CA10: variants seen among roughly 807,000 people sequenced by gnomAD.
CA10 encodes the protein carbonic anhydrase-related protein 10.
CA10 carries 14 observed loss-of-function variants against 44.2 expected under a neutral mutation model. That is an observed-to-expected ratio of 0.32 (90% CI 0.21 to 0.50). The LOEUF is 0.50. Ranked by LOEUF, CA10 falls within the 20% of genes least tolerant of loss-of-function variation. CA10 has a pLI of 0.99. For synonymous variants in CA10, 159 were observed against 141.6 expected (o/e 1.12, Z -0.87); for missense variants, 350 against 409.7 (o/e 0.85, Z 1.26).
chr17:52,134,939 G>T (rs771970744), intron 1 of CA10: 5 of 518,872 alleles, frequency 9.6e-6, no homozygotes, highest in Non-Finnish European at 1.9e-5. Context: ...CATCCTGAAC[G>T]GCTCCTGATG....
chr17:51,752,704 G>A (rs942754752), intron 3 of CA10, among the ~76,000 whole-genome samples: 19 of 152,318 alleles, frequency 1.2e-4, no homozygotes, highest in African/African-American at 3.6e-4. Flanking sequence ...CGAGGCAGGC[G>A]GATCACCTGA....
chr17:51,769,200 G>T (rs991199358), intron 3 of CA10, among the ~76,000 whole-genome samples: 3 of 152,130 alleles, frequency 2.0e-5, no homozygotes, highest in African/African-American at 7.2e-5. Context: ...TACACCCCAG[G>T]ATCCATGGCA....
chr17:52,067,880 C>A (rs996317354), intron 2 of CA10, among the ~76,000 whole-genome samples: 2 of 152,210 alleles, frequency 1.3e-5, no homozygotes, highest in East Asian at 3.9e-4. Context: ...AATGCCTGTA[C>A]CTGCATTGTA....
chr17:51,870,249 C>G (rs1047695075), intron 3 of CA10, among the ~76,000 whole-genome samples: 17 of 152,292 alleles, frequency 1.1e-4, no homozygotes, highest in Admixed American at 8.5e-4. Flanking sequence ...CCCTGTTGAT[C>G]CAAGAATCAC....
At chr17:51,707,950 G>T (rs926701792) in intron 4 of CA10, among the ~76,000 whole-genome samples, 2 of 152,132 alleles carry the variant, frequency 1.3e-5, no homozygotes, top group Non-Finnish European at 2.9e-5. Flanking sequence ...GAAGACACTG[G>T]AGTGGATAAG....
intron 1 of CA10, among the ~76,000 whole-genome samples, chr17:52,138,909 C>G (rs145017272): frequency 7.4e-4 from 112 of 152,280 alleles, no homozygotes; most frequent in Non-Finnish European, 1.4e-3. Context: ...GACACAGCCT[C>G]CTGTGCTAGG....
chr17:51,884,368 C>T (rs1980506416), intron 3 of CA10, among the ~76,000 whole-genome samples: 1 of 152,170 alleles, frequency 6.6e-6, no homozygotes, highest in Non-Finnish European at 1.5e-5. Flanking sequence ...CCTCATTGCC[C>T]TCTACTCCTC....
In CA10 at chr17:51,857,394, T is replaced by C. The variant is rs576429942; in HGVS notation, c.279+73596A>G. Among the ~76,000 whole-genome samples, 16 of 152,268 alleles carry C rather than the reference T, an allele frequency of 1.1e-4. No individual in the cohort carries two copies. In the East Asian group the frequency reaches 2.9e-3, roughly 28 times the overall value. ...CCTGCAGTATACGCCTACCACCACA[T>C]GCTACTGATTTTGGCAGCCAAGAGC... On this transcript the variant is annotated intron_variant, in intron 3 of 8. Coordinates refer to ENST00000451037, the MANE Select transcript of CA10 (RefSeq NM_020178.5).
intron 4 of CA10, chr17:51,661,744 G>A (rs1212109941): frequency 2.0e-5 from 3 of 152,168 alleles, no homozygotes; most frequent in African/African-American, 7.2e-5. Context: ...CACCTATTGG[G>A]GAGCACCCAC....
In CA10 at chr17:51,747,681, G is replaced by C. The variant is rs771931712; in HGVS notation, c.417C>G (p.Asp139Glu). Residue 139 changes from aspartate (D) to glutamate (E), a missense_variant, in exon 4 of 9, where the codon GAC (aspartate) becomes GAG (glutamate). Coordinates refer to ENST00000451037, the MANE Select transcript of CA10 (RefSeq NM_020178.5). ...TGAGGAGGTGCTCCGACCCTTGGCT[G>C]TCCTCACTCCCAAAGTGTAGTCGGA... ...EEIRLHFGSE[D>E]SQGSEHLLNG... 32 of 1,614,154 alleles carry C rather than the reference G, an allele frequency of 2.0e-5. No homozygotes were observed. The highest frequency in any genetic ancestry group is 2.7e-5 in the Non-Finnish European group (32 of 1,179,980).
chr17:51,837,671 G>A (rs1978291829), intron 3 of CA10, among the ~76,000 whole-genome samples: 1 of 152,156 alleles, frequency 6.6e-6, no homozygotes, highest in African/African-American at 2.4e-5. Flanking sequence ...GTTTGTGCAT[G>A]ATCAAATGTG....
At chr17:51,925,424 T>C (rs1019399595) in intron 3 of CA10, among the ~76,000 whole-genome samples, 1 of 131,312 alleles carries the variant, frequency 7.6e-6, no homozygotes, top group African/African-American at 2.8e-5. Context: ...TCAAAATAAA[T>C]AACAAAAAAA....
intron 1 of CA10, among the ~76,000 whole-genome samples, chr17:52,089,724 T>G (rs1988210705): frequency 6.6e-6 from 1 of 152,050 alleles, no homozygotes. Flanking sequence ...TATATATATT[T>G]TATATGACAT....
chr17:51,745,684 G>A (rs538539164), intron 4 of CA10, among the ~76,000 whole-genome samples: 3 of 152,170 alleles, frequency 2.0e-5, no homozygotes, highest in Admixed American at 6.5e-5. Context: ...ATATACTGAA[G>A]AAACAAGTGT....
intron 3 of CA10, among the ~76,000 whole-genome samples, chr17:51,814,266 A>T (rs1907482908): frequency 6.6e-6 from 1 of 152,224 alleles, no homozygotes; most frequent in Non-Finnish European, 1.5e-5. Context: ...CAGAGTTTAC[A>T]AAGCACTTTC....
At chr17:51,988,010 C>A (rs1402451540) in intron 2 of CA10, among the ~76,000 whole-genome samples, 1 of 151,820 alleles carries the variant, frequency 6.6e-6, no homozygotes, top group Non-Finnish European at 1.5e-5. Context: ...TAAGTTTGTT[C>A]AAAATAATAA....
chr17:51,908,376 G>C (rs1428849278), intron 3 of CA10, among the ~76,000 whole-genome samples: 6 of 152,122 alleles, frequency 3.9e-5, no homozygotes, highest in Non-Finnish European at 5.9e-5. Context: ...CATTTCCGTA[G>C]GCCTCTCTCC....
At chr17:51,907,704 C>T (rs1046582567) in intron 3 of CA10, among the ~76,000 whole-genome samples, 3 of 152,100 alleles carry the variant, frequency 2.0e-5, no homozygotes, top group Admixed American at 6.6e-5. Flanking sequence ...AGGGTTCCCT[C>T]GCCACAATGG....
At chr17:51,789,128 C>A (rs1906410246) in intron 3 of CA10, among the ~76,000 whole-genome samples, 3 of 152,120 alleles carry the variant, frequency 2.0e-5, no homozygotes, top group Admixed American at 1.3e-4. Context: ...AATTCTCCTG[C>A]CTCAGCCTCC....
Sources: allele counts gnomAD v4.1 joint callset (sites outside exome capture counted in the v4.1 genomes callset), GRCh38; gene constraint gnomAD v4.1.1; transcripts MANE v1.5; gene names NCBI Gene and HGNC (gene_info 2026-07-23, HGNC 2026-07-21).